WASHC5: variants seen among roughly 807,000 people sequenced by gnomAD.
The protein encoded by WASHC5 is WASH complex subunit strumpellin.
In WASHC5, 101 loss-of-function variants were observed where a neutral mutation model predicts 150.4. The observed-to-expected ratio is 0.67, with a 90% CI of 0.57 to 0.79. The LOEUF is 0.79. Ranked by LOEUF, WASHC5 falls within the 30% of genes least tolerant of loss-of-function variation. WASHC5 has a pLI of 0.00. For missense variants in WASHC5, 1,195 were observed against 1,396.3 expected (o/e 0.86, Z 2.30); for synonymous variants, 467 against 491.2 (o/e 0.95, Z 0.65).
rs1466995839 is a variant in WASHC5 at position 125,047,291 on chromosome 8, G to C, written c.2420C>G (p.Pro807Arg). The C allele has an allele frequency of 6.2e-7, 1 of 1,613,874 alleles. No individual in the cohort carries two copies. The highest frequency in any genetic ancestry group is 2.2e-5 in the East Asian group (1 of 44,874). Residue 807 changes from proline (P) to arginine (R), a missense_variant, in exon 20 of 29, where the codon CCA becomes CGA. By Grantham distance (103) the Pro-to-Arg change is moderately radical. Coordinates refer to ENST00000318410, the MANE Select transcript of WASHC5 (RefSeq NM_014846.4). ...ATCCACAGGGGTAAACTTGGGTATT[G>C]GAATATGAGTGGACTGGTACATGCT... ...WQSMYQSTHIPIPKFTPVDES... is the reference protein window; with the variant it reads ...WQSMYQSTHIRIPKFTPVDES...
At chr8:125,055,152 C>T (rs935124026) in intron 17 of WASHC5, among the ~76,000 whole-genome samples, 3 of 151,778 alleles carry the variant, frequency 2.0e-5, no homozygotes, top group African/African-American at 4.8e-5. Context: ...GGCTGGGCAC[C>T]GTGGCTCATG....
At chr8:125,070,107 A>C (rs973652677) in intron 9 of WASHC5, among the ~76,000 whole-genome samples, 1 of 152,240 alleles carries the variant, frequency 6.6e-6, no homozygotes, top group Non-Finnish European at 1.5e-5. Context: ...GTCAAACTTC[A>C]GTAGCCAGCC....
In WASHC5 at chr8:125,056,666, G is replaced by A; in HGVS notation, c.2016+11C>T. 1 of 1,613,948 alleles carries A rather than the reference G, an allele frequency of 6.2e-7. No homozygotes were observed. The highest frequency in any genetic ancestry group is 8.5e-7 in the Non-Finnish European group (1 of 1,179,890). On this transcript the variant is annotated intron_variant, in intron 16 of 28. Coordinates refer to ENST00000318410, the MANE Select transcript of WASHC5 (RefSeq NM_014846.4). Reference sequence around the variant, plus strand: ...TAATATGAAAAGGCAGAAGTCAGAGGGACACAGCACCTCGTATCGTGGGCC... The same window carrying A: ...TAATATGAAAAGGCAGAAGTCAGAGAGACACAGCACCTCGTATCGTGGGCC...
chr8:125,076,711 A>G (rs1817072367), intron 6 of WASHC5, among the ~76,000 whole-genome samples: 2 of 146,934 alleles, frequency 1.4e-5, no homozygotes, highest in African/African-American at 5.3e-5. Flanking sequence ...CTCTTCTTCC[A>G]GCCCTTGACC....
chr8:125,028,333 T>G (rs1433112790), intron 28 of WASHC5, among the ~76,000 whole-genome samples: 1 of 152,176 alleles, frequency 6.6e-6, no homozygotes, highest in Admixed American at 6.6e-5. Context: ...AAGGAATCCC[T>G]CCTGGCTTGC....
At chr8:125,050,528 G>A (rs893289773) in intron 18 of WASHC5, 36 bp downstream of exon 18, 15 of 1,446,244 alleles carry the variant, frequency 1.0e-5, no homozygotes, top group South Asian at 2.3e-5. Context: ...CAAGCTGGGC[G>A]GAGAAGAGGA....
chr8:125,025,305 A>G (rs924008339), intron 28 of WASHC5, among the ~76,000 whole-genome samples: 4 of 152,210 alleles, frequency 2.6e-5, no homozygotes, highest in Admixed American at 1.3e-4. Context: ...GAGGAAATTT[A>G]GCAAATGCAG....
At chr8:125,088,005 G>A (rs1817470245) in intron 1 of WASHC5, among the ~76,000 whole-genome samples, 1 of 152,156 alleles carries the variant, frequency 6.6e-6, no homozygotes. Context: ...GAAGTCAGAA[G>A]GAAATGAGAG....
intron 26 of WASHC5, among the ~76,000 whole-genome samples, chr8:125,035,903 A>G (rs1317267964): frequency 6.6e-6 from 1 of 152,282 alleles, no homozygotes. Context: ...TAATGCTTTT[A>G]AAGTAAACTA....
At chr8:125,075,175 C>A in intron 7 of WASHC5, 64 bp from the exon 8 acceptor site, 1 of 1,025,802 alleles carries the variant, frequency 9.7e-7, no homozygotes, top group South Asian at 1.3e-5. Context: ...GGGTTGAATA[C>A]TAAAGTTATA....
intron 9 of WASHC5, among the ~76,000 whole-genome samples, chr8:125,069,662 C>T (rs10429379): frequency 0.026 from 3,990 of 152,212 alleles, 181 homozygotes; most frequent in African/African-American, 0.092. Context: ...GGAGGAGACT[C>T]GTGACAACCT....
chr8:125,044,924 A>C, intron 20 of WASHC5: 5 of 562,746 alleles, frequency 8.9e-6, no homozygotes, highest in East Asian at 3.1e-5. Context: ...ATGCCATATC[A>C]TTGGTTTCAG....
intron 9 of WASHC5, among the ~76,000 whole-genome samples, chr8:125,069,165 A>G (rs1816831940): frequency 1.3e-5 from 2 of 152,188 alleles, no homozygotes; most frequent in Non-Finnish European, 2.9e-5. Context: ...GGAGTGGGTT[A>G]GTTATTCCAA....
intron 17 of WASHC5, among the ~76,000 whole-genome samples, chr8:125,052,609 TACACAC>T (rs34684600): frequency 8.5e-5 from 12 of 141,796 alleles, no homozygotes; most frequent in South Asian, 2.3e-4. Context: ...TCACACACAC[TACACAC>T]ACACACACAC....
chr8:125,032,717 C>T (rs1019172703), intron 26 of WASHC5: 2 of 357,928 alleles, frequency 5.6e-6, no homozygotes, highest in Non-Finnish European at 1.1e-5. Flanking sequence ...GAAAAAAAAT[C>T]ACTACAACTG....
chr8:125,065,611 TTTCA>T (rs1266082116), intron 10 of WASHC5, among the ~76,000 whole-genome samples: 1 of 150,756 alleles, frequency 6.6e-6, no homozygotes, highest in Non-Finnish European at 1.5e-5. Flanking sequence ...AGGGCATTTC[TTTCA>T]TTCCTTTTTT....
intron 17 of WASHC5, among the ~76,000 whole-genome samples, chr8:125,053,423 G>T (rs1012380283): frequency 6.6e-6 from 1 of 152,052 alleles, no homozygotes; most frequent in African/African-American, 2.4e-5. Context: ...AAATTCTTTT[G>T]ATAATTATTG....
chr8:125,059,876 T>C (rs930334758), intron 12 of WASHC5, among the ~76,000 whole-genome samples: 2 of 152,202 alleles, frequency 1.3e-5, no homozygotes, highest in African/African-American at 4.8e-5. Flanking sequence ...GCCTGGGTTA[T>C]ATGACAAAAT....
chr8:125,044,631 T>C lies in WASHC5; in HGVS notation c.2572A>G (p.Ser858Gly), dbSNP rs1325048284. The change falls in exon 21 of 29, where the codon AGC becomes GGC. Residue 858 changes from serine to glycine, a missense_variant. By Grantham distance (56) the Ser-to-Gly change is moderately conservative. Around this residue, in one of 3 missense-constraint regions of WASHC5, gnomAD observed 997 missense variants for 1,168.1 expected, o/e 0.85. Coordinates refer to ENST00000318410, the MANE Select transcript of WASHC5 (RefSeq NM_014846.4). ...GTCTGGATTTCTGAGAAGAGGCGGC[T>C]GCTGGTCACTTCCTGATGAGTTTTC... ...DMKTHQEVTS[S>G]RLFSEIQTTL... 6.2e-7 allele frequency: 1 copy of C among 1,614,136 alleles called. No homozygotes were observed. The highest frequency in any genetic ancestry group is 1.1e-5 in the South Asian group (1 of 91,082).
Sources: allele counts gnomAD v4.1 joint callset (sites outside exome capture counted in the v4.1 genomes callset), GRCh38; gene constraint gnomAD v4.1.1; regional missense constraint gnomAD v4.1.1; transcripts MANE v1.5; gene names NCBI Gene and HGNC (gene_info 2026-07-23, HGNC 2026-07-21).